GRK4: variants seen among roughly 807,000 people sequenced by gnomAD.
GRK4 encodes the protein G protein-coupled receptor kinase 2-like.
GRK4 carries 73 observed loss-of-function variants against 77.9 expected under a neutral mutation model. The ratio of observed to expected loss-of-function variants is 0.94; its 90% CI spans 0.78 to 1.14. GRK4 has a LOEUF of 1.14. Among genes scored for constraint, GRK4 ranks in the 50% most tolerant of loss-of-function variants. The probability of loss-of-function intolerance (pLI) is 0.00; values close to 1 mark genes in which losing one functional copy is unlikely to be tolerated. For synonymous variants in GRK4, 257 were observed against 254.4 expected, an observed-to-expected ratio of 1.01 and a Z score of -0.10; for missense variants, 729 against 700.2, an observed-to-expected ratio of 1.04 and a Z score of -0.46.
In GRK4 at chr4:3,029,426, A is replaced by G. The variant is rs113244294; in HGVS notation, c.1269+17A>G. 2.8e-5 allele frequency: 45 copies of G among 1,601,724 alleles called. 1 individual carries two copies. Among genetic ancestry groups the G allele is most frequent in the African/African-American group, 2.1e-4 (16 of 74,694 alleles). ...TGCAGGATGGTAAGTCAGGCTCTGT[A>G]GAGGCTGGGAAATGGCACTTCTCAC... On this transcript the variant is annotated intron_variant, in intron 12 of 15. Coordinates refer to ENST00000398052, the MANE Select transcript of GRK4 (RefSeq NM_182982.3).
At chr4:3,001,326 TACACACACACACACAC>T (rs771757282) in intron 4 of GRK4, among the ~76,000 whole-genome samples, 5 of 115,200 alleles carry the variant, frequency 4.3e-5, no homozygotes, top group African/African-American at 1.5e-4. Flanking sequence ...TGAGTACATA[TACACACACACACACAC>T]ACACACACAC....
chr4:3,031,002 A>G (rs1342163724), intron 12 of GRK4, among the ~76,000 whole-genome samples: 2 of 152,180 alleles, frequency 1.3e-5, no homozygotes, highest in Non-Finnish European at 1.5e-5. Context: ...GTGATGGCAG[A>G]GCAGGTGTGA....
intron 4 of GRK4, among the ~76,000 whole-genome samples, chr4:3,001,371 T>TA (rs1560425098): frequency 1.6e-3 from 106 of 65,424 alleles, no homozygotes; most frequent in South Asian, 0.015. Flanking sequence ...ATATATATAT[T>TA]TTTTTTTTTT....
At chr4:2,981,251 G>A (rs111361056) in intron 1 of GRK4, among the ~76,000 whole-genome samples, 21 of 152,340 alleles carry the variant, frequency 1.4e-4, no homozygotes, top group African/African-American at 5.1e-4. Context: ...TGGTGAGTTG[G>A]GGGGTGTGCT....
At position 2,979,334 on chromosome 4, in the gene GRK4, G is replaced by A. The variant is rs569678691; in HGVS notation, c.53-5179G>A. On this transcript the variant is annotated intron_variant, in intron 1 of 15. Coordinates refer to ENST00000398052, the MANE Select transcript of GRK4 (RefSeq NM_182982.3). ...TGGGAGAATCACCTGAACCCAGGAG[G>A]TGGAGGTTGCAATCATCTGAGATGG... 4.6e-5 allele frequency among the ~76,000 whole-genome samples: 7 copies of A among 151,236 alleles called. No individual in the cohort carries two copies. The South Asian group carries it at 1.3e-3, about 27-fold the overall frequency.
At chr4:3,032,186 G>A (rs1237558317) in intron 12 of GRK4, among the ~76,000 whole-genome samples, 1 of 152,112 alleles carries the variant, frequency 6.6e-6, no homozygotes, top group Non-Finnish European at 1.5e-5. Flanking sequence ...AATGACTGCA[G>A]TGAAAAAGCA....
In GRK4 at chr4:3,027,968, G is replaced by T; in HGVS notation, c.1027G>T (p.Val343Phe). 1 of 1,614,166 alleles carries T rather than the reference G, an allele frequency of 6.2e-7. No individual in the cohort carries two copies. The highest frequency in any genetic ancestry group is 8.5e-7 in the Non-Finnish European group (1 of 1,180,012). ...LATEIPEGQR[V>F]RGRVGTVGYM... ...CACAGAGATCCCAGAAGGACAGAGGGTTCGAGGAAGAGTTGGAACAGTCGG... is the reference window on the plus strand; with the variant it reads ...CACAGAGATCCCAGAAGGACAGAGGTTTCGAGGAAGAGTTGGAACAGTCGG... The change falls in exon 11 of 16, where the codon GTT becomes TTT. Residue 343 changes from valine to phenylalanine, a missense_variant. By Grantham distance (50) the Val-to-Phe change is conservative. Transcript: ENST00000398052.
chr4:3,031,505 C>T (rs1739165662), intron 12 of GRK4, among the ~76,000 whole-genome samples: 1 of 152,176 alleles, frequency 6.6e-6, no homozygotes, highest in Non-Finnish European at 1.5e-5. Flanking sequence ...CTGGTTTGTC[C>T]AGCAGCTAGA....
rs572100570 is a variant in GRK4, at chr4:2,997,301, T to A, written c.339+5009T>A. ...GAAAATCAATTACTATAATACACCA[T>A]ATTAATAGAATAAAATATTTAAAAA... On this transcript the variant is annotated intron_variant, in intron 4 of 15. Transcript: ENST00000398052. 5.3e-5 allele frequency among the ~76,000 whole-genome samples: 8 copies of A among 152,254 alleles called. No homozygotes were observed. The East Asian group carries it at 1.5e-3, about 29-fold the overall frequency.
At position 3,005,524 on chromosome 4, in the gene GRK4, C is replaced by T. The variant is rs530489277; in HGVS notation, c.443+1190C>T. Among the ~76,000 whole-genome samples, 127 of 152,170 alleles carry T rather than the reference C, an allele frequency of 8.3e-4. 1 individual carries two copies. The highest frequency in any genetic ancestry group is 2.7e-3 in the African/African-American group (111 of 41,542). The stretch of plus-strand genomic sequence containing the variant: ...GCTGCCTCTAAAATAACACACAGGC[C>T]GGGCGCGGTGGCTCACGCCGGTAAT... On this transcript the variant is annotated intron_variant, in intron 5 of 15. Transcript: ENST00000398052.
At chr4:2,980,533 ACC>A (rs1722578755) in intron 1 of GRK4, among the ~76,000 whole-genome samples, 1 of 151,394 alleles carries the variant, frequency 6.6e-6, no homozygotes, top group South Asian at 2.1e-4. Context: ...ATGTGCAAAT[ACC>A]CCAGAACAGC....
In GRK4 at chr4:3,013,810, A is replaced by G; in HGVS notation, c.723A>G (p.Lys241=). The part of the protein sequence containing the change: ...MALNEKRILE[K]VQSRFVVSLA... ...TAAATGAGAAAAGAATTCTGGAGAA[A>G]GTGCAAAGTAGATTCGTAGTAAGTG... The change falls in exon 8 of 16, where the codon AAA becomes AAG. Residue 241 remains lysine, a synonymous_variant. Coordinates refer to ENST00000398052, the MANE Select transcript of GRK4 (RefSeq NM_182982.3). 6.2e-7 allele frequency: 1 copy of G among 1,609,780 alleles called. No homozygotes were observed. The highest frequency in any genetic ancestry group is 8.5e-7 in the Non-Finnish European group (1 of 1,178,814).
chr4:2,975,217 C>T (rs1025885631), intron 1 of GRK4, among the ~76,000 whole-genome samples: 9 of 152,050 alleles, frequency 5.9e-5, no homozygotes, highest in Admixed American at 1.3e-4. Context: ...GCAGGAGAAT[C>T]GCTTGAACCT....
At chr4:3,007,307 T>G (rs953919495) in intron 5 of GRK4, among the ~76,000 whole-genome samples, 4 of 152,208 alleles carry the variant, frequency 2.6e-5, no homozygotes, top group Non-Finnish European at 5.9e-5. Flanking sequence ...TTATCTCTGT[T>G]TTACAGAAGG....
chr4:3,029,447 C>G (rs374489176), intron 12 of GRK4, 38 bp downstream of exon 12: 54 of 1,540,092 alleles, frequency 3.5e-5, no homozygotes, highest in Non-Finnish European at 4.5e-5. Context: ...AATGGCACTT[C>G]TCACTCATTC....
chr4:2,971,822 G>A (rs1030663518), intron 1 of GRK4, among the ~76,000 whole-genome samples: 69 of 152,140 alleles, frequency 4.5e-4, no homozygotes, highest in South Asian at 6.2e-4. Context: ...CCCTGGCTTG[G>A]AGGTGCATCA....
chr4:2,975,772 T>G (rs1039930665), intron 1 of GRK4, among the ~76,000 whole-genome samples: 3 of 152,204 alleles, frequency 2.0e-5, no homozygotes, highest in Non-Finnish European at 4.4e-5. Flanking sequence ...GGATCCAAGT[T>G]CTTCAGCACT....
Position 2,992,427 on chromosome 4 carries a change from C to G in GRK4, c.339+135C>G. 6 of 566,088 alleles carry G rather than the reference C, an allele frequency of 1.1e-5. No homozygotes were observed. The South Asian group carries it at 1.1e-4, about 11-fold the overall frequency. 35.1% of individuals were successfully genotyped at this position (566,088 alleles called of 1,614,324 possible). A position where few individuals can be genotyped will look rare whatever the true frequency, so the allele number is the denominator to read the frequency against. ...GGGTGTGATGCCTGACGCCTGTAAT[C>G]CCAGCACTTCGGGAGGCTGAGGAAG... On this transcript the variant is annotated intron_variant, in intron 4 of 15. Coordinates refer to ENST00000398052, the MANE Select transcript of GRK4 (RefSeq NM_182982.3).
At position 3,031,029 on chromosome 4, in the gene GRK4, A is replaced by G. The variant is rs1021964173; in HGVS notation, c.1269+1620A>G. On this transcript the variant is annotated intron_variant, in intron 12 of 15. Coordinates refer to ENST00000398052, the MANE Select transcript of GRK4 (RefSeq NM_182982.3). ...CAGGTGTGAGAAGTGATGGCAGATG[A>G]CCGCTGTCAGATTCAGGATGGATCC... is the stretch of plus-strand genomic sequence containing the variant. 2.6e-5 allele frequency among the ~76,000 whole-genome samples: 4 copies of G among 152,114 alleles called. No homozygotes were observed. The East Asian group carries it at 7.7e-4, about 29-fold the overall frequency.
Sources: gnomAD v4.1 joint callset for allele counts (sites outside exome capture counted in the v4.1 genomes callset) on GRCh38, gnomAD v4.1.1 for gene constraint, MANE v1.5 for transcripts, NCBI Gene and HGNC (gene_info 2026-07-23, HGNC 2026-07-21) for gene names.